NTM: variants seen among roughly 807,000 people sequenced by gnomAD.
NTM encodes the protein IgLON family member 2.
In NTM, 13 loss-of-function variants were observed where a neutral mutation model predicts 42.1. The observed-to-expected ratio is 0.31, with a 90% CI of 0.20 to 0.49. NTM has a LOEUF of 0.49. Ranked by LOEUF, NTM falls within the 20% of genes least tolerant of loss-of-function variation. NTM has a pLI of 0.99. For missense variants in NTM, 373 were observed against 452.8 expected (o/e 0.82, Z 1.60); for synonymous variants, 187 against 179.2 (o/e 1.04, Z -0.35).
At chr11:131,778,161 C>A (rs556697247) in intron 1 of NTM, among the ~76,000 whole-genome samples, 1 of 152,270 alleles carries the variant, frequency 6.6e-6, no homozygotes, top group East Asian at 1.9e-4. Flanking sequence ...CATTCAAATC[C>A]CAATATCCAG....
chr11:131,612,925 T>A (rs1373610114), intron 1 of NTM, among the ~76,000 whole-genome samples: 1 of 152,166 alleles, frequency 6.6e-6, no homozygotes, highest in Non-Finnish European at 1.5e-5. Context: ...GGCAGTTTTG[T>A]AATAGTCACA....
intron 3 of NTM, among the ~76,000 whole-genome samples, chr11:132,175,620 C>T (rs2076694772): frequency 6.6e-6 from 1 of 151,692 alleles, no homozygotes; most frequent in Non-Finnish European, 1.5e-5. Context: ...CAGAGTCTCG[C>T]TCAGTCGCCC....
At chr11:131,497,456 G>A (rs747951428) in intron 1 of NTM, among the ~76,000 whole-genome samples, 5 of 152,068 alleles carry the variant, frequency 3.3e-5, no homozygotes, top group Non-Finnish European at 7.4e-5. Flanking sequence ...CAAAGTGCTG[G>A]GATTACAGAC....
At chr11:132,018,756 A>T (rs1244406458) in intron 2 of NTM, among the ~76,000 whole-genome samples, 1 of 151,982 alleles carries the variant, frequency 6.6e-6, no homozygotes, top group East Asian at 1.9e-4. Flanking sequence ...AAATTGTTTG[A>T]CTTTTTCTAT....
At chr11:131,391,374 G>A (rs953000174) in intron 1 of NTM, among the ~76,000 whole-genome samples, 3 of 151,940 alleles carry the variant, frequency 2.0e-5, no homozygotes, top group Admixed American at 6.6e-5. Flanking sequence ...GGCCCTCCCC[G>A]CCCCACTCCT....
intron 1 of NTM, among the ~76,000 whole-genome samples, chr11:131,731,070 T>C (rs188479486): frequency 7.2e-5 from 11 of 152,342 alleles, no homozygotes; most frequent in Admixed American, 6.5e-4. Flanking sequence ...TTTTCTCTTA[T>C]GATTTTTTAT....
In NTM at chr11:132,002,298, A is replaced by G. The variant is rs1242936044; in HGVS notation, c.167+90650A>G. On this transcript the variant is annotated intron_variant, in intron 2 of 8. Coordinates refer to ENST00000683400, the MANE Select transcript of NTM (RefSeq NM_001352005.2). This position sits in a 1 kb window ranked among gnomAD's most constrained non-coding sequence, Gnocchi z 4.5. ...TACTGTACAAAAGCGATGAAATTTA[A>G]TAATTATTTAGTTATTTGGAACATT... 6.6e-6 allele frequency among the ~76,000 whole-genome samples: 1 copy of G among 152,210 alleles called. No homozygotes were observed. Among genetic ancestry groups the G allele is most frequent in the Non-Finnish European group, 1.5e-5 (1 of 68,034 alleles).
At chr11:132,300,016 T>C (rs943104532) in intron 4 of NTM, among the ~76,000 whole-genome samples, 25 of 152,164 alleles carry the variant, frequency 1.6e-4, no homozygotes, top group African/African-American at 5.3e-4. Flanking sequence ...GCTATGCAGC[T>C]ATACCTGCTT....
At chr11:131,843,598 G>A (rs976751973) in intron 1 of NTM, among the ~76,000 whole-genome samples, 16 of 152,148 alleles carry the variant, frequency 1.1e-4, no homozygotes, top group African/African-American at 2.2e-4. Flanking sequence ...ACATGTGAGC[G>A]GGAATTACTC....
intron 7 of NTM, among the ~76,000 whole-genome samples, chr11:132,323,188 A>G (rs2095607376): frequency 6.7e-6 from 1 of 148,244 alleles, no homozygotes; most frequent in African/African-American, 2.5e-5. Context: ...TCAGAGCAGA[A>G]CTGAAGGAAA....
rs921008778 is a variant in NTM at position 131,710,082 on chromosome 11, A to G, written c.83-201482A>G. Among the ~76,000 whole-genome samples, 3 of 152,282 alleles carry G rather than the reference A, an allele frequency of 2.0e-5. No homozygotes were observed. In the South Asian group the frequency reaches 6.2e-4, roughly 32 times the overall value. On this transcript the variant is annotated intron_variant, in intron 1 of 8. Coordinates refer to ENST00000683400, the MANE Select transcript of NTM (RefSeq NM_001352005.2). ...ACCTTGACAAGAACAATGTGAGTGC[A>G]CTGGTGGGGTCAAAGAGGGGGTGGA... is the stretch of plus-strand genomic sequence containing the variant.
At chr11:131,865,250 C>T (rs1416015933) in intron 1 of NTM, among the ~76,000 whole-genome samples, 1 of 152,226 alleles carries the variant, frequency 6.6e-6, no homozygotes, top group African/African-American at 2.4e-5. Flanking sequence ...ACTCAAGCCC[C>T]TTCTGTTGGA....
intron 5 of NTM, 72 bp downstream of exon 5, chr11:132,307,895 C>T: frequency 1.4e-6 from 2 of 1,449,830 alleles, no homozygotes; most frequent in East Asian, 2.4e-5. Context: ...CCACCCAGAG[C>T]CCATTGGCAC....
At chr11:132,224,141 G>C (rs2085707414) in intron 4 of NTM, among the ~76,000 whole-genome samples, 1 of 152,186 alleles carries the variant, frequency 6.6e-6, no homozygotes, top group South Asian at 2.1e-4. Context: ...ACTTGAGGAG[G>C]ATCCTCCACT....
intron 1 of NTM, among the ~76,000 whole-genome samples, chr11:131,544,496 C>T (rs2053668538): frequency 6.6e-6 from 1 of 152,128 alleles, no homozygotes; most frequent in South Asian, 2.1e-4. Flanking sequence ...TAAGCCTTTA[C>T]TCATCCTCTA....
intron 1 of NTM, among the ~76,000 whole-genome samples, chr11:131,696,009 G>A (rs892031578): frequency 2.6e-5 from 4 of 152,206 alleles, no homozygotes; most frequent in African/African-American, 9.7e-5. Flanking sequence ...GTGCAGAAAG[G>A]TGCATGTCTA....
At chr11:132,032,818 T>G (rs2076088136) in intron 2 of NTM, among the ~76,000 whole-genome samples, 1 of 152,254 alleles carries the variant, frequency 6.6e-6, no homozygotes, top group South Asian at 2.1e-4. Context: ...CAACATTTTA[T>G]TCACATCTCA....
At chr11:131,593,654 G>A (rs955249281) in intron 1 of NTM, among the ~76,000 whole-genome samples, 1 of 152,218 alleles carries the variant, frequency 6.6e-6, no homozygotes, top group Non-Finnish European at 1.5e-5. Context: ...CCTAGTCAAA[G>A]GTCATTCAGC....
chr11:131,702,141 C>T (rs982048668), intron 1 of NTM, among the ~76,000 whole-genome samples: 3 of 152,128 alleles, frequency 2.0e-5, no homozygotes, highest in Non-Finnish European at 4.4e-5. Flanking sequence ...TGGGAGACTA[C>T]CTTACAAAGC....
Sources: gnomAD v4.1 joint callset for allele counts (sites outside exome capture counted in the v4.1 genomes callset) on GRCh38, gnomAD v4.1.1 for gene constraint, Gnocchi (gnomAD v3.1) non-coding constraint, MANE v1.5 for transcripts, NCBI Gene and HGNC (gene_info 2026-07-23, HGNC 2026-07-21) for gene names.